SUPT16H: variants seen among roughly 807,000 people sequenced by gnomAD.
The protein encoded by SUPT16H is SPT16 homolog, facilitates chromatin remodeling subunit.
A neutral mutation model predicts 136.2 loss-of-function variants in SUPT16H; 24 were observed. That is an observed-to-expected ratio of 0.18 (90% CI 0.13 to 0.25). The LOEUF (loss-of-function observed/expected upper bound fraction) is 0.25, where lower values mean the gene tolerates loss of function less well. Ranked by LOEUF, SUPT16H falls within the 10% of genes least tolerant of loss-of-function variation. The pLI is 1.00. For synonymous variants in SUPT16H, 415 were observed against 428.2 expected (o/e 0.97, Z 0.38); for missense variants, 623 against 1,270.2 (o/e 0.49, Z 7.74).
chr14:21,366,379 T>G, intron 8 of SUPT16H, 60 bp downstream of exon 8: 1 of 1,494,290 alleles, frequency 6.7e-7, no homozygotes, highest in Non-Finnish European at 9.3e-7. Flanking sequence ...GAAATAAGAC[T>G]GACCACTGAC....
Position 21,360,781 on chromosome 14 carries a change from G to C in SUPT16H, c.2056+65C>G, listed in dbSNP as rs548528844. ...GGCTCTTTGTCATATTTTATTATCT[G>C]ATCTGTCATTCCTAACAAATGTGCC... is the stretch of plus-strand genomic sequence containing the variant. On this transcript the variant is annotated intron_variant, in intron 17 of 25. Transcript: ENST00000216297. 20 of 1,561,290 alleles carry C rather than the reference G, an allele frequency of 1.3e-5. No homozygotes were observed. The South Asian group carries it at 2.2e-4, about 17-fold the overall frequency.
chr14:21,358,514 A>C (rs1886482002), intron 19 of SUPT16H, 87 bp from the exon 20 acceptor site: 8 of 941,660 alleles, frequency 8.5e-6, no homozygotes, highest in Non-Finnish European at 1.3e-5. Flanking sequence ...TTGTGCTTTA[A>C]AATAAAAATT....
In SUPT16H at chr14:21,371,960, C is replaced by G. The variant is rs1209319438; in HGVS notation, c.244G>C (p.Val82Leu). ...KIIFMASKKKVEFLKQIANTK... is the reference protein window; with the variant it reads ...KIIFMASKKKLEFLKQIANTK... ...TTGGCAATCTGTTTCAAGAACTCCA[C>G]TTTTTTCTTGCTGGCCATAAAGATG... is the stretch of plus-strand genomic sequence containing the variant. Residue 82 changes from valine to leucine, a missense_variant, in exon 3 of 26, where the codon GTG becomes CTG. Physicochemically the swap from Val to Leu is conservative, Grantham distance 32. This residue lies in a region of SUPT16H where 343 missense variants were observed against 525.7 expected (regional missense o/e 0.65). Transcript: ENST00000216297. 1.9e-6 allele frequency: 3 copies of G among 1,613,942 alleles called. No individual in the cohort carries two copies. Among genetic ancestry groups the G allele is most frequent in the Non-Finnish European group, 8.5e-7 (1 of 1,180,010 alleles).
At chr14:21,367,971 G>A (rs1239806746) in intron 7 of SUPT16H, among the ~76,000 whole-genome samples, 6 of 152,066 alleles carry the variant, frequency 3.9e-5, no homozygotes, top group African/African-American at 9.7e-5. Flanking sequence ...GCTCACTGCC[G>A]AGGTATAATC....
chr14:21,364,682 T>C (rs1364599371), intron 10 of SUPT16H, 145 bp downstream of exon 10: 1 of 644,534 alleles, frequency 1.6e-6, no homozygotes, highest in Non-Finnish European at 2.7e-6. Flanking sequence ...CTACAGTCTC[T>C]ATTCCTAGCT....
rs1343955011 is a variant in SUPT16H at position 21,359,490 on chromosome 14, A to G, written c.2295T>C (p.Ala765=). The change falls in exon 19 of 26, where the codon GCT becomes GCC. Residue 765 remains alanine, a synonymous_variant. Coordinates refer to ENST00000216297, the MANE Select transcript of SUPT16H (RefSeq NM_007192.4). The part of the protein sequence containing the change: ...QHMHDRDDLY[A]EQMEREMRHK... ...AATACTAAATTTCACAAACCTGCTC[A>G]GCATAGAGGTCATCTCGGTCATGCA... The G allele has an allele frequency of 6.2e-7, 1 of 1,612,752 alleles. No homozygotes were observed. The highest frequency in any genetic ancestry group is 1.3e-5 in the African/African-American group (1 of 74,870).
At chr14:21,363,619 G>GTTGTCA in intron 10 of SUPT16H, 116 bp from the exon 11 acceptor site, 1 of 847,232 alleles carries the variant, frequency 1.2e-6, no homozygotes, top group Non-Finnish European at 1.9e-6. Flanking sequence ...GTTTGACAAT[G>GTTGTCA]AATAAATATA....
intron 3 of SUPT16H, 43 bp from the exon 4 acceptor site, chr14:21,370,531 G>A: frequency 6.3e-7 from 1 of 1,598,732 alleles, no homozygotes; most frequent in Non-Finnish European, 8.5e-7. Flanking sequence ...TGTTTTACCA[G>A]TTCATTAGAC....
At chr14:21,360,805 C>T in intron 17 of SUPT16H, 41 bp downstream of exon 17, 2 of 1,585,144 alleles carry the variant, frequency 1.3e-6, no homozygotes, top group Non-Finnish European at 1.7e-6. Flanking sequence ...AACAAATGTG[C>T]CCTGAAGAGA....
In SUPT16H at chr14:21,365,019, G is replaced by T. The variant is rs1466003162; in HGVS notation, c.1120+51C>A. On this transcript the variant is annotated intron_variant, in intron 9 of 25. Coordinates refer to ENST00000216297, the MANE Select transcript of SUPT16H (RefSeq NM_007192.4). Reference sequence around the variant, plus strand: ...AGACATATGCCTAAAAGAAAATAAAGCTAAAGGAAGTAACTCACAAAAGCA... The same window carrying T: ...AGACATATGCCTAAAAGAAAATAAATCTAAAGGAAGTAACTCACAAAAGCA... The T allele has an allele frequency of 3.1e-6, 5 of 1,606,528 alleles. No homozygotes were observed. The African/African-American group carries it at 4.0e-5, about 13-fold the overall frequency.
At chr14:21,370,283 T>C (rs1023314111) in intron 4 of SUPT16H, 53 bp downstream of exon 4, 37 of 1,585,976 alleles carry the variant, frequency 2.3e-5, no homozygotes, top group African/African-American at 2.2e-4. Flanking sequence ...TGGAAGCCCA[T>C]CACATTTCTG....
intron 7 of SUPT16H, among the ~76,000 whole-genome samples, chr14:21,367,027 A>C (rs1281126690): frequency 1.3e-5 from 2 of 151,502 alleles, no homozygotes; most frequent in Admixed American, 6.6e-5. Flanking sequence ...TGCAAGCTCC[A>C]CCTCCCGGAT....
At chr14:21,358,751 C>G (rs544676913) in intron 19 of SUPT16H, among the ~76,000 whole-genome samples, 27 of 152,288 alleles carry the variant, frequency 1.8e-4, no homozygotes, top group Middle Eastern at 3.4e-3. Flanking sequence ...CTTGTAATAC[C>G]CTATCTCAGC....
intron 22 of SUPT16H, among the ~76,000 whole-genome samples, chr14:21,356,699 C>T (rs903779261): frequency 5.3e-5 from 8 of 152,192 alleles, no homozygotes; most frequent in African/African-American, 1.9e-4. Flanking sequence ...GTGACTGCAC[C>T]ACTACACTTG....
chr14:21,373,979 C>T (rs868766761), intron 1 of SUPT16H, among the ~76,000 whole-genome samples: 8 of 152,304 alleles, frequency 5.3e-5, no homozygotes, highest in South Asian at 4.2e-4. Flanking sequence ...CCACCTGCTT[C>T]GGTCTCCCAA....
chr14:21,355,514 A>T (rs1404507741), intron 22 of SUPT16H, among the ~76,000 whole-genome samples: 2 of 4,278 alleles, frequency 4.7e-4, no homozygotes, highest in African/African-American at 1.7e-3. Flanking sequence ...TAATAATAAT[A>T]AAAAAAAAAA....
At chr14:21,372,401 A>G (rs1594307901) in intron 2 of SUPT16H, 1 of 311,774 alleles carries the variant, frequency 3.2e-6, no homozygotes, top group East Asian at 8.5e-5. Flanking sequence ...ACCCTGCGTT[A>G]TTACCTCCTC....
intron 25 of SUPT16H, 111 bp downstream of exon 25, chr14:21,353,377 T>C: frequency 9.4e-7 from 1 of 1,067,960 alleles, no homozygotes; most frequent in South Asian, 1.5e-5. Flanking sequence ...ACTTTTATAG[T>C]GTTCTTTTGT....
chr14:21,368,638 G>A (rs1337720645), intron 6 of SUPT16H, among the ~76,000 whole-genome samples, 197 bp from the exon 7 acceptor site: 3 of 152,178 alleles, frequency 2.0e-5, no homozygotes, highest in Non-Finnish European at 2.9e-5. Flanking sequence ...AAAAGTCAGT[G>A]ACCAAAACTT....
Sources: allele counts gnomAD v4.1 joint callset (sites outside exome capture counted in the v4.1 genomes callset), GRCh38; gene constraint gnomAD v4.1.1; regional missense constraint gnomAD v4.1.1; transcripts MANE v1.5; gene names NCBI Gene and HGNC (gene_info 2026-07-23, HGNC 2026-07-21).